Variants in DNAH7 observed in about 807,000 individuals in gnomAD.
DNAH7 encodes the protein axonemal beta dynein heavy chain 7.
DNAH7 carries 397 observed loss-of-function variants against 444.6 expected under a neutral mutation model. That is an observed-to-expected ratio of 0.89 (90% CI 0.82 to 0.97). DNAH7 has a LOEUF of 0.97. Ranked by LOEUF, DNAH7 falls within the 50% of genes least tolerant of loss-of-function variation. The pLI, the probability that DNAH7 is intolerant of heterozygous loss-of-function variation, is 0.00. For synonymous variants in DNAH7, 1,636 were observed against 1,624.4 expected, an observed-to-expected ratio of 1.01 and a Z score of -0.17; for missense variants, 4,902 against 4,800.8, an observed-to-expected ratio of 1.02 and a Z score of -0.62.
chr2:195,802,413 T>C (rs1473635838), intron 54 of DNAH7, among the ~76,000 whole-genome samples: 1 of 152,136 alleles, frequency 6.6e-6, no homozygotes, highest in Non-Finnish European at 1.5e-5. Flanking sequence ...GGCACAAGAA[T>C]CACTTGAACC....
In DNAH7 at chr2:195,789,951, G is replaced by T. The variant is rs575146917; in HGVS notation, c.10717-2780C>A. ...CAAAGACTCTGCCAAAAGACTCTTA[G>T]AACTGATAAATGACTTCAGTAAAGT... On this transcript the variant is annotated intron_variant, in intron 57 of 64. Transcript: ENST00000312428. 6.6e-5 allele frequency among the ~76,000 whole-genome samples: 10 copies of T among 152,272 alleles called. No homozygotes were observed. The East Asian group carries it at 1.5e-3, about 23-fold the overall frequency.
intron 57 of DNAH7, among the ~76,000 whole-genome samples, chr2:195,787,903 G>A (rs1414953017): frequency 1.3e-5 from 2 of 152,118 alleles, no homozygotes; most frequent in East Asian, 1.9e-4. Flanking sequence ...GGAGCTGGGG[G>A]TCATTTTAAA....
intron 19 of DNAH7, among the ~76,000 whole-genome samples, chr2:195,941,886 G>C (rs4456724): frequency 4.6e-5 from 7 of 151,944 alleles, no homozygotes; most frequent in Non-Finnish European, 1.0e-4. Flanking sequence ...CTAAAATTGA[G>C]TTTTCAGAAG....
At position 195,857,546 on chromosome 2, in the gene DNAH7, GAA is replaced by G; in HGVS notation, c.8243_8244del (p.Phe2748SerfsTer6). 6.2e-7 allele frequency: 1 copy of G among 1,613,930 alleles called. No homozygotes were observed. Among genetic ancestry groups the G allele is most frequent in the South Asian group, 1.1e-5 (1 of 91,072 alleles). ...PAKRLLGDMR[F>X]LQSLHEYDKD... ...TTGTCATATTCATGAAGTGACTGCA[GAA>G]ACCTCATGTCACCAAGAAGTCTCTT... On this transcript the variant is annotated frameshift_variant, in exon 44 of 65. Transcript: ENST00000312428. LOFTEE classifies it high-confidence loss of function.
intron 15 of DNAH7, among the ~76,000 whole-genome samples, chr2:195,976,778 A>AGAGAGAGAGAGAGAGG: frequency 6.6e-6 from 1 of 151,352 alleles, no homozygotes; most frequent in South Asian, 2.1e-4. Context: ...AGAGAGAGAG[A>AGAGAGAGAGAGAGAGG]GAGAGAGAGA....
chr2:195,795,911 G>C (rs141213151), intron 56 of DNAH7: 93 of 152,260 alleles, frequency 6.1e-4, no homozygotes, highest in African/African-American at 2.2e-3. Context: ...TCATCACCAT[G>C]GTTATTTAGA....
In DNAH7 at chr2:195,813,532, A is replaced by T. The variant is rs1302545673; in HGVS notation, c.9761+3096T>A. Among the ~76,000 whole-genome samples, 3 of 152,158 alleles carry T rather than the reference A, an allele frequency of 2.0e-5. No individual in the cohort carries two copies. In the East Asian group the frequency reaches 5.8e-4, roughly 29 times the overall value. On this transcript the variant is annotated intron_variant, in intron 51 of 64. Transcript: ENST00000312428. ...AGTTAAGCTTATTTCAAGTTGCAAA[A>T]CTACCTCCTGTCATACAGATACGAA... is the stretch of plus-strand genomic sequence containing the variant.
chr2:196,038,588 C>T (rs1300862034), intron 5 of DNAH7, among the ~76,000 whole-genome samples: 1 of 152,066 alleles, frequency 6.6e-6, no homozygotes, highest in Non-Finnish European at 1.5e-5. Flanking sequence ...ATGCTGCTGA[C>T]AAGAAACTCA....
intron 12 of DNAH7, among the ~76,000 whole-genome samples, chr2:195,990,974 T>C (rs1171858420): frequency 1.4e-5 from 2 of 146,364 alleles, no homozygotes; most frequent in South Asian, 2.1e-4. Flanking sequence ...TATATACATA[T>C]ATATATATAT....
chr2:195,804,828 G>C (rs1177219422), intron 54 of DNAH7, among the ~76,000 whole-genome samples: 2 of 151,048 alleles, frequency 1.3e-5, no homozygotes, highest in African/African-American at 4.9e-5. Context: ...GAGTAGTATT[G>C]TCCACATATC....
At chr2:195,870,331 G>T (rs1700602304) in intron 40 of DNAH7, among the ~76,000 whole-genome samples, 3 of 151,998 alleles carry the variant, frequency 2.0e-5, no homozygotes, top group Non-Finnish European at 2.9e-5. Context: ...AGGGGGGTAG[G>T]GATGGCCCAA....
Position 195,960,562 on chromosome 2 carries a change from G to A in DNAH7, c.2589C>T (p.Tyr863=), listed in dbSNP as rs1408522456. ...HWEAMSAIVG[Y]PLQPSDDSTV... is the part of the protein sequence containing the mutation. ...TGGAGTCATCTGATGGCTGCAAAGG[G>A]TAACCAACAATGGCAGACATGGCCT... is the stretch of plus-strand genomic sequence containing the variant. Residue 863 remains tyrosine, a synonymous_variant, in exon 18 of 65, where the codon TAC becomes TAT. Transcript: ENST00000312428. The A allele has an allele frequency of 1.2e-6, 2 of 1,614,098 alleles. No homozygotes were observed. The highest frequency in any genetic ancestry group is 1.1e-5 in the South Asian group (1 of 91,084).
rs1390033660 is a variant in DNAH7 at position 195,888,825 on chromosome 2, C to G, written c.5203G>C (p.Asp1735His). ...PQMNLIFEPM[D>H]LEVASPATVS... Reference sequence around the variant, plus strand: ...GTGGCAGGGGAAGCAACTTCTAAATCCATTGGCTCAAAAATTAGATTCATT... The same window carrying G: ...GTGGCAGGGGAAGCAACTTCTAAATGCATTGGCTCAAAAATTAGATTCATT... The change falls in exon 32 of 65, where the codon GAT becomes CAT. Residue 1735 changes from aspartate (D) to histidine (H), a missense_variant. By Grantham distance (81) the Asp-to-His change is moderately conservative. Transcript: ENST00000312428. 3 of 1,612,342 alleles carry G rather than the reference C, an allele frequency of 1.9e-6. No homozygotes were observed. In the African/African-American group the frequency reaches 4.0e-5, roughly 22 times the overall value.
Position 195,794,333 on chromosome 2 carries a change from C to G in DNAH7, c.10716+5G>C, listed in dbSNP as rs775291528. ...CCGAGGTAACAAGACTTAACCATTA[C>G]TAACAGGCTTTTTGCAGCTGCCAAA... On this transcript the variant is annotated splice_donor_5th_base_variant and intron_variant, in intron 57 of 64. Transcript: ENST00000312428. 5.9e-5 allele frequency: 95 copies of G among 1,613,932 alleles called. No homozygotes were observed. Among genetic ancestry groups the G allele is most frequent in the Middle Eastern group, 1.6e-4 (1 of 6,076 alleles).
At chr2:195,742,063 T>C (rs754515663) in intron 63 of DNAH7, among the ~76,000 whole-genome samples, 5 of 152,220 alleles carry the variant, frequency 3.3e-5, no homozygotes, top group Admixed American at 1.3e-4. Flanking sequence ...GTTTTATTAA[T>C]TGACAAAGCA....
At chr2:195,994,781 C>T (rs1438541521) in intron 12 of DNAH7, 3 of 466,514 alleles carry the variant, frequency 6.4e-6, no homozygotes, top group Non-Finnish European at 1.3e-5. Context: ...TCTGAATCTG[C>T]GGTTAATAGT....
chr2:195,908,538 T>C (rs2125298486), intron 25 of DNAH7, among the ~76,000 whole-genome samples: 1 of 152,290 alleles, frequency 6.6e-6, no homozygotes, highest in African/African-American at 2.4e-5. Flanking sequence ...TATTTGACTT[T>C]CTGTGCCTGG....
At chr2:195,978,001 G>A (rs1420233421) in intron 15 of DNAH7, among the ~76,000 whole-genome samples, 1 of 152,144 alleles carries the variant, frequency 6.6e-6, no homozygotes, top group East Asian at 1.9e-4. Context: ...ATTAAAGGGA[G>A]TTCTTCAATC....
At chr2:195,877,109 AAT>A (rs755972362) in intron 36 of DNAH7, among the ~76,000 whole-genome samples, 7 of 152,232 alleles carry the variant, frequency 4.6e-5, no homozygotes, top group Non-Finnish European at 8.8e-5. Flanking sequence ...AAAGCTTAAA[AAT>A]ATAACTGTAT....
Sources: gnomAD v4.1 joint callset for allele counts (sites outside exome capture counted in the v4.1 genomes callset) on GRCh38, gnomAD v4.1.1 for gene constraint, MANE v1.5 for transcripts, NCBI Gene and HGNC (gene_info 2026-07-23, HGNC 2026-07-21) for gene names.